Variants in THADA observed in about 807,000 individuals in gnomAD.
The protein encoded by THADA is THADA armadillo repeat containing, also known as tRNA (32-2'-O)-methyltransferase regulator THADA.
THADA carries 213 observed loss-of-function variants against 219.8 expected under a neutral mutation model. The ratio of observed to expected loss-of-function variants is 0.97; its 90% CI spans 0.87 to 1.09. The LOEUF is 1.09. THADA is among the 50% of genes least tolerant of loss of function. The pLI, the probability that THADA is intolerant of heterozygous loss-of-function variation, is 0.00. For missense variants in THADA, 2,956 were observed against 2,311.3 expected (o/e 1.28, Z -5.72); for synonymous variants, 1,018 against 828.9 (o/e 1.23, Z -3.92).
intron 30 of THADA, among the ~76,000 whole-genome samples, chr2:43,342,327 T>G (rs1012893676): frequency 1.6e-4 from 25 of 152,230 alleles, no homozygotes; most frequent in African/African-American, 6.0e-4. Flanking sequence ...AAGCTATTAA[T>G]GTTGAGACAA....
At chr2:43,308,758 C>A (rs376963212) in intron 31 of THADA, among the ~76,000 whole-genome samples, 36,121 of 50,790 alleles carry the variant, frequency 0.71, 12,824 homozygotes, top group Middle Eastern at 0.83. Context: ...ATACCCATAC[C>A]AAAAAAAAAA....
At chr2:43,470,968 C>A (rs572999125) in intron 26 of THADA, among the ~76,000 whole-genome samples, 1 of 151,974 alleles carries the variant, frequency 6.6e-6, no homozygotes, top group Non-Finnish European at 1.5e-5. Flanking sequence ...ATGGGGAGGA[C>A]CTGAGGGACA....
intron 26 of THADA, among the ~76,000 whole-genome samples, chr2:43,452,450 C>CTAGA (rs1193331707): frequency 6.6e-6 from 1 of 152,046 alleles, no homozygotes; most frequent in Non-Finnish European, 1.5e-5. Context: ...AAATACAGAA[C>CTAGA]TAGAATCCAA....
chr2:43,348,529 T>G (rs1667898156), intron 29 of THADA, among the ~76,000 whole-genome samples: 1 of 152,218 alleles, frequency 6.6e-6, no homozygotes, highest in African/African-American at 2.4e-5. Context: ...CTTACCTGCC[T>G]GGCACGGGTA....
chr2:43,433,633 C>T (rs142327068), intron 26 of THADA, among the ~76,000 whole-genome samples: 209 of 152,244 alleles, frequency 1.4e-3, no homozygotes, highest in Middle Eastern at 0.01. Context: ...ATAAATGCAA[C>T]GCAATTCCAA....
intron 36 of THADA, among the ~76,000 whole-genome samples, chr2:43,257,052 G>C (rs1470162929): frequency 6.6e-6 from 1 of 152,156 alleles, no homozygotes; most frequent in Non-Finnish European, 1.5e-5. Context: ...TTCCCAGATG[G>C]GAAAACGCCT....
At chr2:43,355,448 T>C (rs1421679830) in intron 29 of THADA, among the ~76,000 whole-genome samples, 6 of 152,212 alleles carry the variant, frequency 3.9e-5, no homozygotes, top group Admixed American at 6.5e-5. Context: ...AAGATAATTA[T>C]AGGCTGCCTT....
intron 30 of THADA, among the ~76,000 whole-genome samples, chr2:43,342,396 G>C (rs916263728): frequency 6.6e-6 from 1 of 152,204 alleles, no homozygotes; most frequent in Non-Finnish European, 1.5e-5. Flanking sequence ...TTCACCAAAA[G>C]GTTTCTTACA....
chr2:43,277,588 T>C (rs1459412220), intron 36 of THADA, among the ~76,000 whole-genome samples: 1 of 152,214 alleles, frequency 6.6e-6, no homozygotes, highest in Admixed American at 6.5e-5. Flanking sequence ...TCTGCATCCA[T>C]CCCTCACTGA....
Position 43,424,150 on chromosome 2 carries a change from T to TG in THADA, c.4058+3949dup, listed in dbSNP as rs576680638. On this transcript the variant is annotated intron_variant, in intron 28 of 37. Transcript: ENST00000405975. Reference sequence around the variant, plus strand: ...GATGCAACAATCATAATGGCATATATGTTTAGGTATACTCTTAAACATGGG... The same window carrying TG: ...GATGCAACAATCATAATGGCATATATGGTTTAGGTATACTCTTAAACATGGG... Among the ~76,000 whole-genome samples the TG allele has an allele frequency of 4.0e-3, 616 of 152,334 alleles. 7 individuals are homozygous for TG. Among genetic ancestry groups the TG allele is most frequent in the African/African-American group, 0.014 (573 of 41,570 alleles).
At chr2:43,411,588 T>G (rs377203886) in intron 28 of THADA, among the ~76,000 whole-genome samples, 26 of 152,308 alleles carry the variant, frequency 1.7e-4, no homozygotes, top group African/African-American at 6.0e-4. Flanking sequence ...CTCATACTAG[T>G]TTTAGTCACC....
chr2:43,508,450 G>A (rs1223365925), intron 23 of THADA, among the ~76,000 whole-genome samples, 198 bp downstream of exon 23: 1 of 152,102 alleles, frequency 6.6e-6, no homozygotes, highest in Non-Finnish European at 1.5e-5. Context: ...TGACCTTTTA[G>A]AGGGTTTGTT....
rs139445958 is a variant in THADA at position 43,372,654 on chromosome 2, C to A, written c.4227+25317G>T. ...TTTTCTTGTTCTGCTATGCAGCATG[C>A]CTGTTTCATGTCACCAAAAAGGAAA... is the stretch of plus-strand genomic sequence containing the variant. On this transcript the variant is annotated intron_variant, in intron 29 of 37. Transcript: ENST00000405975. Among the ~76,000 whole-genome samples, 414 of 152,274 alleles carry A rather than the reference C, an allele frequency of 2.7e-3. 3 individuals are homozygous for A. Among genetic ancestry groups the A allele is most frequent in the African/African-American group, 9.8e-3 (405 of 41,536 alleles).
chr2:43,505,791 G>T, intron 23 of THADA, 56 bp from the exon 24 acceptor site: 1 of 1,261,642 alleles, frequency 7.9e-7, no homozygotes, highest in Non-Finnish European at 1.1e-6. Flanking sequence ...ATACTTGTTT[G>T]CTGCTTCCCT....
In THADA at chr2:43,243,377, C is replaced by T. The variant is rs941344052; in HGVS notation, c.5297-10495G>A. ...GGTAGGGGCTAGAGATGCTACTCAA[C>T]ATTCTACAGTGTTCACGATAGCCCT... is the stretch of plus-strand genomic sequence containing the variant. On this transcript the variant is annotated intron_variant, in intron 36 of 37. Transcript: ENST00000405975. Among the ~76,000 whole-genome samples, 5 of 152,310 alleles carry T rather than the reference C, an allele frequency of 3.3e-5. No individual in the cohort carries two copies. The East Asian group carries it at 9.6e-4, about 29-fold the overall frequency.
At chr2:43,513,348 G>C (rs1690738035) in intron 22 of THADA, among the ~76,000 whole-genome samples, 1 of 152,174 alleles carries the variant, frequency 6.6e-6, no homozygotes, top group African/African-American at 2.4e-5. Context: ...AACCAGCTGA[G>C]TCCAAAAGCA....
intron 26 of THADA, among the ~76,000 whole-genome samples, chr2:43,469,055 G>A (rs532962382): frequency 7.9e-5 from 12 of 152,104 alleles, no homozygotes; most frequent in Non-Finnish European, 1.3e-4. Flanking sequence ...TATGAGCCCC[G>A]GACCCTGTCC....
intron 28 of THADA, among the ~76,000 whole-genome samples, chr2:43,402,150 A>G (rs1174548204): frequency 2.0e-5 from 3 of 152,164 alleles, no homozygotes; most frequent in Non-Finnish European, 4.4e-5. Flanking sequence ...GCATACATCA[A>G]TGACCACACG....
At chr2:43,587,903 T>C (rs1280466754) in intron 4 of THADA, among the ~76,000 whole-genome samples, 3 of 152,210 alleles carry the variant, frequency 2.0e-5, no homozygotes, top group African/African-American at 7.2e-5. Context: ...CCTCAATTTA[T>C]ATACATCAAA....
Sources: allele counts gnomAD v4.1 joint callset (sites outside exome capture counted in the v4.1 genomes callset), GRCh38; gene constraint gnomAD v4.1.1; transcripts MANE v1.5; gene names NCBI Gene and HGNC (gene_info 2026-07-23, HGNC 2026-07-21).